ZCWPW2: variants seen among roughly 807,000 people sequenced by gnomAD.
ZCWPW2 encodes the protein zinc finger CW-type PWWP domain protein 2.
A neutral mutation model predicts 46.6 loss-of-function variants in ZCWPW2; 45 were observed. The ratio of observed to expected loss-of-function variants is 0.96; its 90% CI spans 0.76 to 1.24. ZCWPW2 has a LOEUF of 1.24. Ranked by LOEUF, ZCWPW2 falls within the 50% of genes most tolerant of loss-of-function variation. The pLI, the probability that ZCWPW2 is intolerant of heterozygous loss-of-function variation, is 0.00. For missense variants in ZCWPW2, 429 were observed against 403.9 expected (o/e 1.06, Z -0.53); for synonymous variants, 152 against 137.1 (o/e 1.11, Z -0.76).
rs547441370 is a variant in ZCWPW2, at chr3:28,429,029, A to G, written c.333-6081A>G. ...ACCACACAGAGTGGGCTGCTGCTAT[A>G]AGGATACCCAAAAATGTGGAAGCAA... On this transcript the variant is annotated intron_variant, in intron 3 of 9. Transcript: ENST00000383768. 1.0e-3 allele frequency among the ~76,000 whole-genome samples: 157 copies of G among 152,326 alleles called. 2 individuals are homozygous for G. The highest frequency in any genetic ancestry group is 3.5e-3 in the African/African-American group (146 of 41,574).
At position 28,412,552 on chromosome 3, in the gene ZCWPW2, A is replaced by G. The variant is rs957405185; in HGVS notation, c.-13-504A>G. 1.6e-4 allele frequency among the ~76,000 whole-genome samples: 24 copies of G among 152,020 alleles called. 1 individual carries two copies. Among genetic ancestry groups the G allele is most frequent in the Non-Finnish European group, 3.2e-4 (22 of 67,928 alleles). ...CTGCTGACATTTAAATTCCAGCTCTACTGTGTACCAGTTCCAGGACCTGAG... is the reference window on the plus strand; with the variant it reads ...CTGCTGACATTTAAATTCCAGCTCTGCTGTGTACCAGTTCCAGGACCTGAG... On this transcript the variant is annotated intron_variant, in intron 2 of 9. Coordinates refer to ENST00000383768, the MANE Select transcript of ZCWPW2 (RefSeq NM_001040432.4).
rs369913715 is a variant in ZCWPW2 at position 28,374,932 on chromosome 3, A to G, written c.-133-15566A>G. Among the ~76,000 whole-genome samples, 4 of 151,924 alleles carry G rather than the reference A, an allele frequency of 2.6e-5. No individual in the cohort carries two copies. In the South Asian group the frequency reaches 8.3e-4, roughly 31 times the overall value. ...CAAGAGTGAGGTGTTAAAGTTCCTT[A>G]CTATTATTATATTACGGTCTCTCTC... On this transcript the variant is annotated intron_variant, in intron 1 of 9. Transcript: ENST00000383768.
rs887755689 is a variant in ZCWPW2 at position 28,352,159 on chromosome 3, C to G, written c.-134+2956C>G. 1.0e-3 allele frequency among the ~76,000 whole-genome samples: 151 copies of G among 147,764 alleles called. 2 individuals are homozygous for G. Among genetic ancestry groups the G allele is most frequent in the African/African-American group, 3.5e-3 (138 of 39,854 alleles). On this transcript the variant is annotated intron_variant, in intron 1 of 9. Coordinates refer to ENST00000383768, the MANE Select transcript of ZCWPW2 (RefSeq NM_001040432.4). The stretch of plus-strand genomic sequence containing the variant: ...ACACACACACACACACACACACACA[C>G]ACACACACGAGAGAGAATTATGTAT...
intron 1 of ZCWPW2, among the ~76,000 whole-genome samples, chr3:28,381,705 G>A (rs1424648899): frequency 6.6e-6 from 1 of 152,114 alleles, no homozygotes; most frequent in Non-Finnish European, 1.5e-5. Flanking sequence ...AGGATTGCAT[G>A]AGTCCAGGAG....
At chr3:28,417,193 A>G (rs923952259) in intron 3 of ZCWPW2, among the ~76,000 whole-genome samples, 1 of 152,022 alleles carries the variant, frequency 6.6e-6, no homozygotes, top group Admixed American at 6.6e-5. Flanking sequence ...ATCACCACTG[A>G]TCCCACAGAA....
chr3:28,387,062 C>T (rs976528067), intron 1 of ZCWPW2, among the ~76,000 whole-genome samples: 1 of 152,156 alleles, frequency 6.6e-6, no homozygotes, highest in Non-Finnish European at 1.5e-5. Flanking sequence ...GCTCTCTCTG[C>T]TTTACCTGGC....
chr3:28,391,882 A>G (rs1695508298), intron 2 of ZCWPW2, among the ~76,000 whole-genome samples: 1 of 152,100 alleles, frequency 6.6e-6, no homozygotes, highest in Non-Finnish European at 1.5e-5. Context: ...CCCCTAGAGA[A>G]AGACAGGAAG....
intron 6 of ZCWPW2, among the ~76,000 whole-genome samples, chr3:28,507,163 C>T (rs1200828420): frequency 6.6e-6 from 1 of 152,110 alleles, no homozygotes; most frequent in Non-Finnish European, 1.5e-5. Context: ...ATCAAAGGCT[C>T]ATACTAGGAA....
chr3:28,350,702 T>C (rs898905411), intron 1 of ZCWPW2, among the ~76,000 whole-genome samples: 1 of 150,100 alleles, frequency 6.7e-6, no homozygotes, highest in African/African-American at 2.5e-5. Context: ...TAAAATAAAT[T>C]GTTAGAGAAA....
intron 3 of ZCWPW2, among the ~76,000 whole-genome samples, chr3:28,427,116 C>A (rs895580356): frequency 6.6e-6 from 1 of 152,166 alleles, no homozygotes; most frequent in Non-Finnish European, 1.5e-5. Flanking sequence ...TGATCGTATA[C>A]TTTTCTTGTA....
At chr3:28,495,656 G>T (rs951794697) in intron 6 of ZCWPW2, among the ~76,000 whole-genome samples, 1 of 151,860 alleles carries the variant, frequency 6.6e-6, no homozygotes. Flanking sequence ...AATGGAGCTT[G>T]TATTTTTTAA....
At chr3:28,434,995 G>A (rs1697423655) in intron 3 of ZCWPW2, 115 bp from the exon 4 acceptor site, 1 of 1,063,190 alleles carries the variant, frequency 9.4e-7, no homozygotes, top group Non-Finnish European at 1.4e-6. Context: ...AGGAATATAT[G>A]TTTTGTGAAA....
rs146655163 is a variant in ZCWPW2 at position 28,378,626 on chromosome 3, G to A, written c.-133-11872G>A. ...TGTAGGAAACGAAGTGAGAATTTAA[G>A]CCCAGACCTAGGGATGATGTTCAAC... is the stretch of plus-strand genomic sequence containing the variant. On this transcript the variant is annotated intron_variant, in intron 1 of 9. Transcript: ENST00000383768. Among the ~76,000 whole-genome samples, 837 of 152,226 alleles carry A rather than the reference G, an allele frequency of 5.5e-3. 4 individuals are homozygous for A. Among genetic ancestry groups the A allele is most frequent in the Non-Finnish European group, 8.5e-3 (581 of 67,958 alleles).
chr3:28,489,187 ACTCT>A (rs941436780), intron 5 of ZCWPW2, among the ~76,000 whole-genome samples: 1 of 152,078 alleles, frequency 6.6e-6, no homozygotes, highest in African/African-American at 2.4e-5. Context: ...ATTTTGGTTA[ACTCT>A]CTCTATACCA....
At position 28,431,555 on chromosome 3, in the gene ZCWPW2, C is replaced by T. The variant is rs139546082; in HGVS notation, c.333-3555C>T. 4.1e-3 allele frequency among the ~76,000 whole-genome samples: 622 copies of T among 152,204 alleles called. 9 individuals are homozygous for T. Among genetic ancestry groups the T allele is most frequent in the Admixed American group, 0.032 (487 of 15,280 alleles). On this transcript the variant is annotated intron_variant, in intron 3 of 9. Transcript: ENST00000383768. ...GCCTACCCTAATGAACTCATTTTAA[C>T]GTCACTACCTTTTTTAAGGCTCTCT...
chr3:28,349,036 C>A lies in ZCWPW2; in HGVS notation c.-301C>A. 1.0e-6 allele frequency: 1 copy of A among 986,280 alleles called. No individual in the cohort carries two copies. Among genetic ancestry groups the A allele is most frequent in the Non-Finnish European group, 1.2e-6 (1 of 830,658 alleles). The allele number at this position is 986,280 out of a possible 1,614,324, so 61.1% of individuals were successfully genotyped here. A position where few individuals can be genotyped will look rare whatever the true frequency, so the allele number is the denominator to read the frequency against. ...CGGCGCCAGGGACGCGCGAGGAAAC[C>A]GGAAGTCAGGCCCGAGGGAGCTGGG... On this transcript the variant is annotated 5_prime_UTR_variant, in exon 1 of 10. Transcript: ENST00000383768.
Position 28,524,581 on chromosome 3 carries a change from G to A in ZCWPW2, c.964G>A (p.Glu322Lys). Residue 322 changes from glutamate to lysine, a missense_variant, in exon 10 of 10, where the codon GAA (glutamate) becomes AAA (lysine). Transcript: ENST00000383768. ...AGGCAGTCTGTTTGAAAACCACTAT[G>A]AAGAGGACTATCTTGTAATTGATGG... ...PAGSLFENHY[E>K]EDYLVIDGIK... 3 of 1,609,602 alleles carry A rather than the reference G, an allele frequency of 1.9e-6. 1 individual carries two copies.
At chr3:28,466,087 A>T (rs539687919) in intron 4 of ZCWPW2, among the ~76,000 whole-genome samples, 7 of 152,336 alleles carry the variant, frequency 4.6e-5, no homozygotes, top group African/African-American at 1.7e-4. Context: ...AGAAAGCCAA[A>T]TACTGCATGT....
intron 2 of ZCWPW2, among the ~76,000 whole-genome samples, chr3:28,410,040 C>G (rs1696337685): frequency 6.6e-6 from 1 of 152,074 alleles, no homozygotes; most frequent in Non-Finnish European, 1.5e-5. Flanking sequence ...AACATAACTA[C>G]TATCTTAATT....
Sources: allele counts gnomAD v4.1 joint callset (sites outside exome capture counted in the v4.1 genomes callset), GRCh38; gene constraint gnomAD v4.1.1; transcripts MANE v1.5; gene names NCBI Gene and HGNC (gene_info 2026-07-23, HGNC 2026-07-21).